The following ARHGAP26 variants were observed in gnomAD, a reference collection of about 807,000 sequenced individuals.
The protein encoded by ARHGAP26 is Rho GTPase activating protein 26.
In ARHGAP26, 38 loss-of-function variants were observed where a neutral mutation model predicts 104.8. The ratio of observed to expected loss-of-function variants is 0.36; its 90% CI spans 0.28 to 0.48. The LOEUF is 0.48. Ranked by LOEUF, ARHGAP26 falls within the 20% of genes least tolerant of loss-of-function variation. ARHGAP26 has a pLI of 0.99. For synonymous variants in ARHGAP26, 341 were observed against 340.0 expected (o/e 1.00, Z -0.03); for missense variants, 704 against 947.9 (o/e 0.74, Z 3.38).
chr5:143,006,972 G>A (rs1226145426), intron 11 of ARHGAP26, among the ~76,000 whole-genome samples: 2 of 152,108 alleles, frequency 1.3e-5, no homozygotes, highest in Non-Finnish European at 2.9e-5. Flanking sequence ...GCTCATGCCT[G>A]TAATCCTAGC....
At chr5:142,933,115 A>G (rs910262242) in intron 11 of ARHGAP26, among the ~76,000 whole-genome samples, 13 of 152,220 alleles carry the variant, frequency 8.5e-5, no homozygotes, top group Non-Finnish European at 1.3e-4. Context: ...TTATCTCTGT[A>G]TACGTTGTTA....
chr5:143,045,959 C>T (rs1324834428), intron 14 of ARHGAP26, among the ~76,000 whole-genome samples: 1 of 152,184 alleles, frequency 6.6e-6, no homozygotes, highest in Non-Finnish European at 1.5e-5. Flanking sequence ...TAGTGAAACC[C>T]TTTCTCTACT....
At chr5:143,151,046 T>C (rs1799783048) in intron 20 of ARHGAP26, among the ~76,000 whole-genome samples, 1 of 152,166 alleles carries the variant, frequency 6.6e-6, no homozygotes. Context: ...ATCCAAAATA[T>C]ACAGAGAACT....
At chr5:143,140,568 G>A (rs1333646774) in intron 19 of ARHGAP26, among the ~76,000 whole-genome samples, 1 of 152,190 alleles carries the variant, frequency 6.6e-6, no homozygotes, top group East Asian at 1.9e-4. Context: ...TCATCACGCT[G>A]TAGTTGTATC....
chr5:142,847,855 A>G (rs1431726875), intron 1 of ARHGAP26, among the ~76,000 whole-genome samples: 1 of 152,206 alleles, frequency 6.6e-6, no homozygotes, highest in Non-Finnish European at 1.5e-5. Flanking sequence ...GGGAAGTGCA[A>G]CATTGCTGGT....
At chr5:143,139,536 A>G (rs992455785) in intron 19 of ARHGAP26, among the ~76,000 whole-genome samples, 1 of 152,192 alleles carries the variant, frequency 6.6e-6, no homozygotes, top group Non-Finnish European at 1.5e-5. Flanking sequence ...CCAGGGCTAC[A>G]TGGGGGCAGT....
intron 4 of ARHGAP26, among the ~76,000 whole-genome samples, chr5:142,881,118 T>A (rs1756935126): frequency 6.6e-6 from 1 of 152,246 alleles, no homozygotes; most frequent in Non-Finnish European, 1.5e-5. Flanking sequence ...GTGCAGGCCC[T>A]GCCCGCAGGG....
chr5:143,216,653 T>G (rs889589293), intron 22 of ARHGAP26: 1 of 189,734 alleles, frequency 5.3e-6, no homozygotes, highest in African/African-American at 2.3e-5. Context: ...GTGAGAGACC[T>G]TACCCAAGCC....
intron 20 of ARHGAP26, among the ~76,000 whole-genome samples, chr5:143,159,714 C>A (rs1375732908): frequency 7.2e-5 from 11 of 152,176 alleles, no homozygotes; most frequent in Admixed American, 7.2e-4. Flanking sequence ...CATCAGTGTA[C>A]ATTATATGAT....
chr5:142,789,918 C>G (rs1375443681), intron 1 of ARHGAP26, among the ~76,000 whole-genome samples: 1 of 152,202 alleles, frequency 6.6e-6, no homozygotes, highest in Non-Finnish European at 1.5e-5. Context: ...TTAGTTATAA[C>G]AACCCACATA....
intron 11 of ARHGAP26, among the ~76,000 whole-genome samples, chr5:142,958,928 AAAAG>A (rs1362501520): frequency 6.6e-6 from 1 of 151,876 alleles, no homozygotes; most frequent in Non-Finnish European, 1.5e-5. Flanking sequence ...AAGAAAAAAA[AAAAG>A]AAAGGAAAAT....
intron 11 of ARHGAP26, among the ~76,000 whole-genome samples, chr5:142,946,182 G>A (rs1767071189): frequency 6.6e-6 from 1 of 152,128 alleles, no homozygotes; most frequent in Non-Finnish European, 1.5e-5. Context: ...TCTCAGTTTT[G>A]TAGATTTCCT....
At chr5:142,772,876 C>A (rs752530798) in intron 1 of ARHGAP26, 3 of 533,464 alleles carry the variant, frequency 5.6e-6, no homozygotes, top group Non-Finnish European at 1.2e-5. Flanking sequence ...TGGCAGTTTT[C>A]CTACCACTAG....
In ARHGAP26 at chr5:142,773,060, T is replaced by C. The variant is rs76690214; in HGVS notation, c.154+2145T>C. ...CTCTGCTAATGTATTCTACCACTAC[T>C]AACTACTACTTGATCAGGTCAGGTG... On this transcript the variant is annotated intron_variant, in intron 1 of 22. Coordinates refer to ENST00000645722, the MANE Select transcript of ARHGAP26 (RefSeq NM_001135608.3). 5.2e-3 allele frequency among the ~76,000 whole-genome samples: 788 copies of C among 152,240 alleles called. 16 individuals are homozygous for C. The highest frequency in any genetic ancestry group is 0.033 in the East Asian group (170 of 5,186).
At chr5:142,928,457 T>A (rs1447150314) in intron 10 of ARHGAP26, among the ~76,000 whole-genome samples, 1 of 152,180 alleles carries the variant, frequency 6.6e-6, no homozygotes, top group East Asian at 1.9e-4. Flanking sequence ...TCTCATTTAA[T>A]CCCGTGCAGG....
At chr5:143,084,357 G>T (rs779923953) in intron 17 of ARHGAP26, among the ~76,000 whole-genome samples, 2 of 152,232 alleles carry the variant, frequency 1.3e-5, no homozygotes, top group Non-Finnish European at 2.9e-5. Flanking sequence ...ATCACTCTGT[G>T]CTGATTGATT....
chr5:142,906,865 T>A (rs73288450), intron 8 of ARHGAP26, among the ~76,000 whole-genome samples: 1 of 151,894 alleles, frequency 6.6e-6, no homozygotes, highest in Non-Finnish European at 1.5e-5. Flanking sequence ...ATTCTCTTTA[T>A]GTTTAAACAA....
chr5:142,812,239 G>C (rs1372692005), intron 1 of ARHGAP26, among the ~76,000 whole-genome samples: 1 of 152,050 alleles, frequency 6.6e-6, no homozygotes, highest in East Asian at 1.9e-4. Context: ...TAGCATGGTT[G>C]GTCTAATACA....
chr5:142,932,467 G>A (rs1221686682), intron 11 of ARHGAP26, among the ~76,000 whole-genome samples: 1 of 152,196 alleles, frequency 6.6e-6, no homozygotes, highest in Non-Finnish European at 1.5e-5. Context: ...AGGGAGGTGA[G>A]CCTGGTAATA....
Sources: gnomAD v4.1 joint callset for allele counts (sites outside exome capture counted in the v4.1 genomes callset) on GRCh38, gnomAD v4.1.1 for gene constraint, MANE v1.5 for transcripts, NCBI Gene and HGNC (gene_info 2026-07-23, HGNC 2026-07-21) for gene names.